NPAS3: variants seen among roughly 807,000 people sequenced by gnomAD.
The protein encoded by NPAS3 is neuronal PAS domain protein 3.
Under a neutral mutation model 73.1 loss-of-function variants are expected in NPAS3, and 14 were observed. The observed-to-expected ratio is 0.19, with a 90% confidence interval of 0.13 to 0.30. The LOEUF is 0.30. Ranked by LOEUF, NPAS3 falls within the 10% of genes least tolerant of loss-of-function variation. The probability of loss-of-function intolerance (pLI) is 1.00; values close to 1 mark genes in which losing one functional copy is unlikely to be tolerated. For synonymous variants in NPAS3, 620 were observed against 541.5 expected (o/e 1.14, Z -2.01); for missense variants, 1,096 against 1,250.0 (o/e 0.88, Z 1.86).
At chr14:33,377,564 G>A (rs929225023) in intron 4 of NPAS3, among the ~76,000 whole-genome samples, 1 of 152,224 alleles carries the variant, frequency 6.6e-6, no homozygotes, top group Non-Finnish European at 1.5e-5. Context: ...CTTCTCAGAA[G>A]GATGTTCATA....
intron 2 of NPAS3, among the ~76,000 whole-genome samples, chr14:33,163,796 A>G (rs1297370039): frequency 6.6e-6 from 1 of 152,102 alleles, no homozygotes; most frequent in African/African-American, 2.4e-5. Flanking sequence ...AAGAGATTTT[A>G]TTCCAGGCCG....
chr14:33,061,509 T>C (rs2041098375), intron 2 of NPAS3, among the ~76,000 whole-genome samples: 1 of 152,218 alleles, frequency 6.6e-6, no homozygotes, highest in African/African-American at 2.4e-5. Flanking sequence ...TTCAGCATGG[T>C]TTCTGGTGGT....
At chr14:33,497,250 TATC>T (rs1448161279) in intron 4 of NPAS3, among the ~76,000 whole-genome samples, 1 of 152,096 alleles carries the variant, frequency 6.6e-6, no homozygotes, top group Non-Finnish European at 1.5e-5. Flanking sequence ...GAAGAATCAA[TATC>T]ATGAAAATGG....
intron 9 of NPAS3, among the ~76,000 whole-genome samples, chr14:33,786,110 G>A (rs780053280): frequency 1.3e-5 from 2 of 152,162 alleles, no homozygotes; most frequent in Non-Finnish European, 2.9e-5. Context: ...TTAAACAATC[G>A]AGGTTTATTC....
At chr14:33,665,772 G>A (rs1028279997) in intron 5 of NPAS3, among the ~76,000 whole-genome samples, 2 of 152,060 alleles carry the variant, frequency 1.3e-5, no homozygotes, top group Non-Finnish European at 2.9e-5. Context: ...TAATTCCAGA[G>A]TGTGGTTAAC....
chr14:33,466,322 A>G (rs923145040), intron 4 of NPAS3, among the ~76,000 whole-genome samples: 3 of 152,220 alleles, frequency 2.0e-5, no homozygotes, highest in Non-Finnish European at 4.4e-5. Context: ...TAGAGTTTAG[A>G]ATAGAAAAAC....
At chr14:33,690,163 C>A (rs1689939315) in intron 6 of NPAS3, among the ~76,000 whole-genome samples, 1 of 152,182 alleles carries the variant, frequency 6.6e-6, no homozygotes, top group Admixed American at 6.5e-5. Context: ...ATCGAATCAG[C>A]TTTCGTGCGG....
chr14:33,072,943 G>A (rs549802175), intron 2 of NPAS3, among the ~76,000 whole-genome samples: 1 of 152,012 alleles, frequency 6.6e-6, no homozygotes, highest in East Asian at 1.9e-4. Flanking sequence ...TTTTAAAGTT[G>A]CCTAATAATT....
intron 3 of NPAS3, among the ~76,000 whole-genome samples, chr14:33,228,992 G>A (rs906195139): frequency 3.9e-5 from 6 of 152,178 alleles, no homozygotes; most frequent in Admixed American, 6.5e-5. Flanking sequence ...ATCCGTTGGT[G>A]TTGGGGAATT....
intron 5 of NPAS3, among the ~76,000 whole-genome samples, chr14:33,640,484 C>A (rs1424300960): frequency 6.6e-6 from 1 of 152,084 alleles, no homozygotes; most frequent in Non-Finnish European, 1.5e-5. Context: ...AAATGCACAT[C>A]TTTTTCAATA....
intron 6 of NPAS3, among the ~76,000 whole-genome samples, chr14:33,720,683 A>T (rs1335493105): frequency 2.0e-5 from 3 of 152,160 alleles, no homozygotes; most frequent in Non-Finnish European, 4.4e-5. Flanking sequence ...AAAGTGGGGC[A>T]TTGGAGAATT....
chr14:33,203,725 T>C (rs1327039171), intron 2 of NPAS3, among the ~76,000 whole-genome samples: 1 of 152,240 alleles, frequency 6.6e-6, no homozygotes, highest in African/African-American at 2.4e-5. Context: ...TCTGTCATTG[T>C]TGGACATTTG....
intron 3 of NPAS3, among the ~76,000 whole-genome samples, chr14:33,317,832 G>A (rs977499743): frequency 6.6e-6 from 1 of 151,998 alleles, no homozygotes; most frequent in South Asian, 2.1e-4. Flanking sequence ...ATACACCAAG[G>A]CATCAGCTAA....
chr14:33,773,146 G>A (rs1009334182), intron 7 of NPAS3, among the ~76,000 whole-genome samples: 5 of 152,160 alleles, frequency 3.3e-5, no homozygotes, highest in East Asian at 1.9e-4. Flanking sequence ...GAGCAGACGC[G>A]AGATCATATT....
chr14:33,471,819 C>G (rs747348330), intron 4 of NPAS3, among the ~76,000 whole-genome samples: 3 of 152,200 alleles, frequency 2.0e-5, no homozygotes, highest in African/African-American at 7.2e-5. Flanking sequence ...AGGAGGTGAG[C>G]AGCAGGCAAG....
chr14:33,673,677 G>A (rs907835709), intron 5 of NPAS3, among the ~76,000 whole-genome samples: 7 of 152,292 alleles, frequency 4.6e-5, no homozygotes, highest in South Asian at 2.1e-4. Flanking sequence ...CCAGCTCTCC[G>A]GGCCACAGCC....
intron 1 of NPAS3, among the ~76,000 whole-genome samples, chr14:33,032,335 GGA>G (rs1005021768): frequency 2.0e-5 from 3 of 152,162 alleles, no homozygotes; most frequent in African/African-American, 7.2e-5. Context: ...AGATAGAAAT[GGA>G]GAGAGTAGGT....
intron 5 of NPAS3, among the ~76,000 whole-genome samples, chr14:33,666,697 T>C (rs988642496): frequency 1.3e-5 from 2 of 152,218 alleles, no homozygotes; most frequent in African/African-American, 4.8e-5. Context: ...CTCTCCAAAG[T>C]GGACTGTAAG....
At chr14:32,948,667 C>G (rs893405960) in intron 1 of NPAS3, among the ~76,000 whole-genome samples, 1 of 152,112 alleles carries the variant, frequency 6.6e-6, no homozygotes, top group African/African-American at 2.4e-5. Flanking sequence ...CTCCATCACT[C>G]TGTTCTGTGA....
Sources: allele counts gnomAD v4.1 joint callset (sites outside exome capture counted in the v4.1 genomes callset), GRCh38; gene constraint gnomAD v4.1.1; transcripts MANE v1.5; gene names NCBI Gene and HGNC (gene_info 2026-07-23, HGNC 2026-07-21).